Variants in CEMIP2 observed in about 807,000 individuals in gnomAD.
CEMIP2 encodes the protein cell migration inducing hyaluronidase 2.
A neutral mutation model predicts 146.9 loss-of-function variants in CEMIP2; 79 were observed. The ratio of observed to expected loss-of-function variants is 0.54; its 90% confidence interval spans 0.45 to 0.65. The LOEUF (loss-of-function observed/expected upper bound fraction) is 0.65, where lower values mean the gene tolerates loss of function less well. Among genes scored for constraint, CEMIP2 ranks in the 30% least tolerant of loss-of-function variants. CEMIP2 has a pLI of 0.00. For synonymous variants in CEMIP2, 601 were observed against 606.3 expected (o/e 0.99, Z 0.13); for missense variants, 1,596 against 1,696.2 (o/e 0.94, Z 1.04).
At chr9:71,686,641 T>C (rs910980107) in intron 22 of CEMIP2, 2 of 152,110 alleles carry the variant, frequency 1.3e-5, no homozygotes, top group Admixed American at 6.5e-5. Flanking sequence ...TTTTAGGGAA[T>C]AGTCTATTGT....
At chr9:71,747,782 C>G (rs1824130660) in intron 2 of CEMIP2, among the ~76,000 whole-genome samples, 2 of 152,146 alleles carry the variant, frequency 1.3e-5, no homozygotes, top group South Asian at 4.1e-4. Flanking sequence ...TTTCTGAGCT[C>G]TCACAATGCC....
intron 22 of CEMIP2, among the ~76,000 whole-genome samples, chr9:71,688,166 G>A (rs1381817919): frequency 6.6e-6 from 1 of 152,034 alleles, no homozygotes; most frequent in Non-Finnish European, 1.5e-5. Flanking sequence ...CTCTTGGCCG[G>A]TATTACTGAA....
Position 71,745,112 on chromosome 9 carries a change from C to T in CEMIP2, c.940G>A (p.Val314Ile). The change falls in exon 4 of 24, where the codon GTC becomes ATC. Residue 314 changes from valine (V) to isoleucine (I), a missense_variant. By Grantham distance (29) the Val-to-Ile change is conservative. Transcript: ENST00000377044. ...AGACTTTTAGCGGCTGAATCCCCGA[C>T]AGCTATGGCAACAATCCGACCTGGA... ...QDPGRIVAIAVGDSAAKSLLQ... is the reference protein window; with the variant it reads ...QDPGRIVAIAIGDSAAKSLLQ... 1 of 1,614,174 alleles carries T rather than the reference C, an allele frequency of 6.2e-7. No homozygotes were observed. Among genetic ancestry groups the T allele is most frequent in the East Asian group, 2.2e-5 (1 of 44,884 alleles).
At chr9:71,699,102 T>C (rs993768614) in intron 19 of CEMIP2, 1 of 156,760 alleles carries the variant, frequency 6.4e-6, no homozygotes, top group Non-Finnish European at 1.4e-5. Flanking sequence ...ATAAAAAGAA[T>C]TAGGACCTCA....
chr9:71,708,246 G>A (rs1269251031), intron 17 of CEMIP2, among the ~76,000 whole-genome samples: 3 of 152,260 alleles, frequency 2.0e-5, no homozygotes, highest in Middle Eastern at 6.8e-3. Context: ...GCAGAGGGTG[G>A]GGGCAGGATC....
At chr9:71,747,784 C>T (rs183514563) in intron 2 of CEMIP2, among the ~76,000 whole-genome samples, 1 of 152,292 alleles carries the variant, frequency 6.6e-6, no homozygotes, top group East Asian at 1.9e-4. Context: ...TCTGAGCTCT[C>T]ACAATGCCCT....
At chr9:71,736,628 C>G (rs889644733) in intron 5 of CEMIP2, among the ~76,000 whole-genome samples, 5 of 152,194 alleles carry the variant, frequency 3.3e-5, no homozygotes, top group Non-Finnish European at 7.3e-5. Context: ...AACTGAAAAT[C>G]TGATCCAACT....
chr9:71,735,225 A>G (rs1320063644), intron 5 of CEMIP2, among the ~76,000 whole-genome samples: 1 of 152,128 alleles, frequency 6.6e-6, no homozygotes, highest in Admixed American at 6.5e-5. Flanking sequence ...ACCTCTAGCC[A>G]TGAAGGAACA....
In CEMIP2 at chr9:71,694,613, C is replaced by A. The variant is rs375412462; in HGVS notation, c.3598-6G>T. 1 of 1,599,358 alleles carries A rather than the reference C, an allele frequency of 6.3e-7. No homozygotes were observed. Among genetic ancestry groups the A allele is most frequent in the African/African-American group, 1.3e-5 (1 of 74,724 alleles). ...GGATCACTAGTAAACACCACCTAGACAGAGAAGAAGTTCCATATTTATGGC... is the reference window on the plus strand; with the variant it reads ...GGATCACTAGTAAACACCACCTAGAAAGAGAAGAAGTTCCATATTTATGGC... On this transcript the variant is annotated splice_region_variant and splice_polypyrimidine_tract_variant and intron_variant, in intron 20 of 23. Coordinates refer to ENST00000377044, the MANE Select transcript of CEMIP2 (RefSeq NM_013390.3).
At chr9:71,731,081 C>A in intron 7 of CEMIP2, 167 bp from the exon 8 acceptor site, 1 of 638,232 alleles carries the variant, frequency 1.6e-6, no homozygotes, top group Non-Finnish European at 2.7e-6. Flanking sequence ...GGAAATGCTT[C>A]TTTACAAAAG....
intron 21 of CEMIP2, among the ~76,000 whole-genome samples, chr9:71,692,923 G>GACAACA (rs142273515): frequency 8.1e-4 from 122 of 150,878 alleles, no homozygotes; most frequent in African/African-American, 2.3e-3. Flanking sequence ...ACAAACAAAC[G>GACAACA]ACAACAACAA....
At position 71,704,577 on chromosome 9, in the gene CEMIP2, A is replaced by G. The variant is rs750963349; in HGVS notation, c.3194+18T>C. ...ACTACTTGCTCAACTATTTGAAATAACAGTAACAGAAACATACTTGTTGAA... is the reference window on the plus strand; with the variant it reads ...ACTACTTGCTCAACTATTTGAAATAGCAGTAACAGAAACATACTTGTTGAA... On this transcript the variant is annotated intron_variant, in intron 18 of 23. Transcript: ENST00000377044. 2 of 1,613,280 alleles carry G rather than the reference A, an allele frequency of 1.2e-6. No homozygotes were observed. The highest frequency in any genetic ancestry group is 4.5e-5 in the East Asian group (2 of 44,866).
intron 6 of CEMIP2, among the ~76,000 whole-genome samples, 154 bp downstream of exon 6, chr9:71,734,652 T>C (rs1823712320): frequency 6.6e-6 from 1 of 152,156 alleles, no homozygotes. Flanking sequence ...TGGAATCTAG[T>C]GTTTGATGCA....
intron 4 of CEMIP2, among the ~76,000 whole-genome samples, chr9:71,741,909 G>A (rs1183794257): frequency 1.3e-5 from 2 of 151,852 alleles, no homozygotes; most frequent in Non-Finnish European, 2.9e-5. Flanking sequence ...GCCTCCTAAA[G>A]TGCTTGGATT....
chr9:71,764,596 C>T (rs1186816696), intron 1 of CEMIP2, among the ~76,000 whole-genome samples: 1 of 152,088 alleles, frequency 6.6e-6, no homozygotes, highest in Non-Finnish European at 1.5e-5. Context: ...GCATATGTAG[C>T]AGTGTCTAGA....
chr9:71,695,661 G>A (rs1344039661), intron 20 of CEMIP2, among the ~76,000 whole-genome samples: 2 of 152,098 alleles, frequency 1.3e-5, no homozygotes, highest in East Asian at 1.9e-4. Flanking sequence ...GCGACAGAGT[G>A]AGACTCCATC....
At chr9:71,708,730 A>G (rs551936326) in intron 17 of CEMIP2, among the ~76,000 whole-genome samples, 1 of 152,298 alleles carries the variant, frequency 6.6e-6, no homozygotes. Flanking sequence ...ACATTATATC[A>G]TAATAGAATT....
chr9:71,694,215 C>T (rs942332225), intron 21 of CEMIP2, among the ~76,000 whole-genome samples: 7 of 151,956 alleles, frequency 4.6e-5, no homozygotes, highest in South Asian at 2.1e-4. Flanking sequence ...CTCCGCCTCC[C>T]GGGTTCAGGC....
Position 71,738,158 on chromosome 9 carries a change from C to A in CEMIP2, c.1204+1905G>T, listed in dbSNP as rs75761212. Among the ~76,000 whole-genome samples the A allele has an allele frequency of 5.1e-4, 77 of 152,282 alleles. 1 individual carries two copies. The East Asian group carries it at 0.011, about 22-fold the overall frequency. ...CATGGAGGCAAAAACAACCCCTACC[C>A]CAAATTTCACATTTTTGCCAACAAA... On this transcript the variant is annotated intron_variant, in intron 5 of 23. Transcript: ENST00000377044.
Sources: allele counts gnomAD v4.1 joint callset (sites outside exome capture counted in the v4.1 genomes callset), GRCh38; gene constraint gnomAD v4.1.1; transcripts MANE v1.5; gene names NCBI Gene and HGNC (gene_info 2026-07-23, HGNC 2026-07-21).